Variants in GNPAT observed in about 807,000 individuals in gnomAD.
The protein encoded by GNPAT is dihydroxyacetone phosphate acyltransferase.
A neutral mutation model predicts 78.4 loss-of-function variants in GNPAT; 30 were observed. That is an observed-to-expected ratio of 0.38 (90% CI 0.29 to 0.52). GNPAT has a LOEUF of 0.52. GNPAT is among the 20% of genes least tolerant of loss of function. The pLI is 0.84. For missense variants in GNPAT, 714 were observed against 812.2 expected (o/e 0.88, Z 1.47); for synonymous variants, 271 against 281.1 (o/e 0.96, Z 0.36).
chr1:231,244,833 G>A (rs762116759), intron 1 of GNPAT, among the ~76,000 whole-genome samples: 1 of 152,118 alleles, frequency 6.6e-6, no homozygotes, highest in Non-Finnish European at 1.5e-5. Context: ...ACTGAGGATG[G>A]GTAACCACTG....
At chr1:231,260,137 C>G (rs138396699) in intron 2 of GNPAT, among the ~76,000 whole-genome samples, 1 of 152,138 alleles carries the variant, frequency 6.6e-6, no homozygotes, top group Admixed American at 6.5e-5. Context: ...ATTGAGCCAG[C>G]TGGTGGAGCA....
chr1:231,266,129 G>A lies in GNPAT; in HGVS notation c.888G>A (p.Glu296=). 2 of 1,613,172 alleles carry A rather than the reference G, an allele frequency of 1.2e-6. No individual in the cohort carries two copies. The highest frequency in any genetic ancestry group is 4.5e-5 in the East Asian group (2 of 44,868). ...KILEETLYVY[E]LLGVPKPKES... ...TGGAAGAAACTCTTTATGTGTATGA[G>A]CTTCTAGGGGTTCCTAAACCAAAAG... The change falls in exon 7 of 16, where the codon GAG becomes GAA. Residue 296 remains glutamate (E), a synonymous_variant. Transcript: ENST00000366647.
rs1420749636 is a variant in GNPAT, at chr1:231,277,879, G to T, written c.*337G>T. On this transcript the variant is annotated 3_prime_UTR_variant, in exon 16 of 16. Transcript: ENST00000366647. ...TATGTTGACTTTTGAATTAAAGTAT[G>T]ACAACACTGAAAGCTCTGGATATTA... 3 of 202,942 alleles carry T rather than the reference G, an allele frequency of 1.5e-5. No individual in the cohort carries two copies. Among genetic ancestry groups the T allele is most frequent in the Non-Finnish European group, 3.0e-5 (3 of 99,710 alleles). The allele number at this position is 202,942 out of a possible 1,614,324, so 12.6% of individuals were successfully genotyped here. A position where few individuals can be genotyped will look rare whatever the true frequency, so the allele number is the denominator to read the frequency against.
At chr1:231,261,506 A>G (rs1685224782) in intron 3 of GNPAT, among the ~76,000 whole-genome samples, 1 of 152,052 alleles carries the variant, frequency 6.6e-6, no homozygotes, top group Non-Finnish European at 1.5e-5. Context: ...TGTCGGTTTC[A>G]TTACTGGAGA....
At chr1:231,241,493 G>T in intron 1 of GNPAT, 37 bp downstream of exon 1, 1 of 1,399,796 alleles carries the variant, frequency 7.1e-7, no homozygotes, top group Non-Finnish European at 1.0e-6. Flanking sequence ...GAGCGGAGCC[G>T]CGCGAAATAG....
chr1:231,264,991 T>C (rs113749374), intron 4 of GNPAT, among the ~76,000 whole-genome samples: 8 of 152,370 alleles, frequency 5.3e-5, no homozygotes, highest in South Asian at 2.1e-4. Context: ...GTATCTCTTA[T>C]GTATTTTAAT....
intron 1 of GNPAT, among the ~76,000 whole-genome samples, chr1:231,246,828 T>TA (rs936775807): frequency 1.4e-4 from 22 of 152,188 alleles, no homozygotes; most frequent in Admixed American, 1.1e-3. Context: ...TATCAGTATT[T>TA]ATTTTGAAGT....
intron 1 of GNPAT, among the ~76,000 whole-genome samples, chr1:231,242,920 G>T (rs1684653118): frequency 6.6e-6 from 1 of 152,206 alleles, no homozygotes; most frequent in Non-Finnish European, 1.5e-5. Context: ...TTTGTGACTG[G>T]ATAACCTTTA....
At chr1:231,252,520 G>A (rs1026492047) in intron 2 of GNPAT, among the ~76,000 whole-genome samples, 1 of 152,178 alleles carries the variant, frequency 6.6e-6, no homozygotes, top group African/African-American at 2.4e-5. Context: ...TGGATGCATT[G>A]CAGGTGTTGC....
In GNPAT at chr1:231,252,584, A is replaced by G. The variant is rs147179139; in HGVS notation, c.261+1441A>G. 8.2e-3 allele frequency among the ~76,000 whole-genome samples: 1,252 copies of G among 152,262 alleles called. 12 individuals carry two copies. Among genetic ancestry groups the G allele is most frequent in the Non-Finnish European group, 0.012 (784 of 68,018 alleles). ...CTCTTCATAGCTTTGGGAGTGTGGC[A>G]AGGAATGACTGGCCTCATTTTTGCT... is the stretch of plus-strand genomic sequence containing the variant. On this transcript the variant is annotated intron_variant, in intron 2 of 15. Transcript: ENST00000366647.
At chr1:231,263,662 A>C (rs1243777871) in intron 4 of GNPAT, among the ~76,000 whole-genome samples, 1 of 152,076 alleles carries the variant, frequency 6.6e-6, no homozygotes, top group Admixed American at 6.6e-5. Flanking sequence ...TTTTTGAGGA[A>C]CCACCATACT....
intron 2 of GNPAT, among the ~76,000 whole-genome samples, chr1:231,254,594 A>T (rs1571938301): frequency 6.7e-6 from 1 of 150,162 alleles, no homozygotes; most frequent in Non-Finnish European, 1.5e-5. Flanking sequence ...GGTGTCCGCC[A>T]CCATGCCCAG....
At position 231,265,407 on chromosome 1, in the gene GNPAT, A is replaced by G. The variant is rs779121955; in HGVS notation, c.683A>G (p.Lys228Arg). The part of the protein sequence containing the change: ...LYWAVFSEYV[K>R]TMLRNGYAPV... ...TGGGCTGTATTCTCTGAATATGTAA[A>G]AACTATGTTACGGGTAAATGCAAAT... The change falls in exon 5 of 16, where the codon AAA becomes AGA. Residue 228 changes from lysine to arginine, a missense_variant. Coordinates refer to ENST00000366647, the MANE Select transcript of GNPAT (RefSeq NM_014236.4). 5.0e-6 allele frequency: 8 copies of G among 1,608,364 alleles called. No individual in the cohort carries two copies. Among genetic ancestry groups the G allele is most frequent in the Non-Finnish European group, 6.0e-6 (7 of 1,174,752 alleles).
rs767096779 is a variant in GNPAT at position 231,251,137 on chromosome 1, T to G, written c.255T>G (p.Ile85Met). The stretch of plus-strand genomic sequence containing the variant: ...ATTCTGAGGAGATTCATTATGTCAT[T>G]AAACAGGTAAGTGATTCCCTCTTCA... ...VLNSEEIHYV[I>M]KQLSKESLQS... The change falls in exon 2 of 16, where the codon ATT becomes ATG. Residue 85 changes from isoleucine (I) to methionine (M), a missense_variant. Ile to Met is a conservative substitution (Grantham distance 10, BLOSUM62 1). Coordinates refer to ENST00000366647, the MANE Select transcript of GNPAT (RefSeq NM_014236.4). 6.4e-7 allele frequency: 1 copy of G among 1,561,026 alleles called. No homozygotes were observed. Among genetic ancestry groups the G allele is most frequent in the Non-Finnish European group, 8.8e-7 (1 of 1,139,594 alleles).
chr1:231,255,247 C>G (rs1472869573), intron 2 of GNPAT, among the ~76,000 whole-genome samples: 1 of 152,066 alleles, frequency 6.6e-6, no homozygotes, highest in Non-Finnish European at 1.5e-5. Flanking sequence ...ACTTTGCTCT[C>G]CTGACTATCC....
At chr1:231,266,208 C>G (rs1324673139) in intron 7 of GNPAT, 43 bp downstream of exon 7, 2 of 1,611,808 alleles carry the variant, frequency 1.2e-6, no homozygotes, top group East Asian at 4.5e-5. Flanking sequence ...AATGTGCTGA[C>G]TGACACATCA....
chr1:231,256,698 G>C (rs1193549076), intron 2 of GNPAT, among the ~76,000 whole-genome samples: 1 of 151,946 alleles, frequency 6.6e-6, no homozygotes, highest in Non-Finnish European at 1.5e-5. Context: ...TTTTTAGCCA[G>C]GATGGTCTCG....
rs1341976688 is a variant in GNPAT at position 231,241,354 on chromosome 1, C to A, written c.-25C>A. 1 of 1,597,022 alleles carries A rather than the reference C, an allele frequency of 6.3e-7. No homozygotes were observed. The highest frequency in any genetic ancestry group is 1.7e-5 in the Admixed American group (1 of 60,024). ...CCACGGCTTAGCAAAGAATCCCAGACCCCGCCCGGGAAGGCAGCCGCACCA... is the reference window on the plus strand; with the variant it reads ...CCACGGCTTAGCAAAGAATCCCAGAACCCGCCCGGGAAGGCAGCCGCACCA... On this transcript the variant is annotated 5_prime_UTR_variant, in exon 1 of 16. Transcript: ENST00000366647.
At position 231,275,396 on chromosome 1, in the gene GNPAT, C is replaced by A; in HGVS notation, c.1844-9C>A. The A allele has an allele frequency of 6.3e-7, 1 of 1,595,928 alleles. No homozygotes were observed. The highest frequency in any genetic ancestry group is 8.6e-7 in the Non-Finnish European group (1 of 1,163,462). Reference sequence around the variant, plus strand: ...TGGTCAACTAACTCTTCCTCACCCCCAATTTTAGGTACCTCTCAATGTTAT... The same window carrying A: ...TGGTCAACTAACTCTTCCTCACCCCAAATTTTAGGTACCTCTCAATGTTAT... On this transcript the variant is annotated splice_polypyrimidine_tract_variant and intron_variant, in intron 13 of 15. Coordinates refer to ENST00000366647, the MANE Select transcript of GNPAT (RefSeq NM_014236.4).
Sources: allele counts gnomAD v4.1 joint callset (sites outside exome capture counted in the v4.1 genomes callset), GRCh38; gene constraint gnomAD v4.1.1; transcripts MANE v1.5; gene names NCBI Gene and HGNC (gene_info 2026-07-23, HGNC 2026-07-21).